Variants in RGSL1 observed in about 807,000 individuals in gnomAD.
RGSL1 encodes regulator of G protein signaling protein-like.
In RGSL1, 97 loss-of-function variants were observed where a neutral mutation model predicts 124.7. The ratio of observed to expected loss-of-function variants is 0.78; its 90% confidence interval spans 0.66 to 0.92. The LOEUF is 0.92. Among genes scored for constraint, RGSL1 ranks in the 40% least tolerant of loss-of-function variants. RGSL1 has a pLI of 0.00. For missense variants in RGSL1, 1,233 were observed against 1,288.4 expected, an observed-to-expected ratio of 0.96 and a Z score of 0.66; for synonymous variants, 424 against 438.1, an observed-to-expected ratio of 0.97 and a Z score of 0.40.
intron 19 of RGSL1, 85 bp downstream of exon 19, chr1:182,553,626 A>T: frequency 3.5e-6 from 4 of 1,147,092 alleles, no homozygotes; most frequent in Admixed American, 2.1e-5. Flanking sequence ...CCCCTTATTG[A>T]CAATAAGGAG....
chr1:182,450,275 G>T (rs1558207365), intron 1 of RGSL1, 97 bp downstream of exon 1: 2 of 1,379,994 alleles, frequency 1.4e-6, no homozygotes, highest in Non-Finnish European at 2.0e-6. Flanking sequence ...GCCATTCAGG[G>T]GCACCATGGG....
intron 20 of RGSL1, chr1:182,555,013 T>TACA (rs1660783087): frequency 3.4e-6 from 1 of 297,840 alleles, no homozygotes; most frequent in Admixed American, 4.5e-5. Flanking sequence ...ATTTAAGGAG[T>TACA]ACAAGTGCAG....
Position 182,493,029 on chromosome 1 carries a change from T to A in RGSL1, c.1725T>A (p.Thr575=). The change falls in exon 9 of 22, where the codon ACT becomes ACA. Residue 575 remains threonine, a synonymous_variant. Transcript: ENST00000294854. ...LTSPVFLTDI[T]KMSFEELCYK... ...TTTTTCCTTACTTCACAGACATAAC[T>A]AAAATGTCCTTTGAGGAGCTTTGCT... is the stretch of plus-strand genomic sequence containing the variant. 1 of 1,549,198 alleles carries A rather than the reference T, an allele frequency of 6.5e-7. No homozygotes were observed. The highest frequency in any genetic ancestry group is 8.7e-7 in the Non-Finnish European group (1 of 1,144,560).
intron 6 of RGSL1, among the ~76,000 whole-genome samples, chr1:182,476,421 C>A (rs1434096985): frequency 1.3e-5 from 2 of 152,156 alleles, no homozygotes; most frequent in African/African-American, 4.8e-5. Flanking sequence ...CATGTCTAGT[C>A]TATTGGCAAA....
intron 1 of RGSL1, among the ~76,000 whole-genome samples, chr1:182,451,434 A>T (rs1432628641): frequency 6.6e-6 from 1 of 152,214 alleles, no homozygotes; most frequent in Non-Finnish European, 1.5e-5. Context: ...CACCAAGATT[A>T]TATGTAAACC....
At chr1:182,552,730 C>T (rs189277635) in intron 18 of RGSL1, among the ~76,000 whole-genome samples, 1 of 152,324 alleles carries the variant, frequency 6.6e-6, no homozygotes, top group African/African-American at 2.4e-5. Flanking sequence ...AAGAGCATGA[C>T]ACTAACATCT....
intron 9 of RGSL1, among the ~76,000 whole-genome samples, chr1:182,498,559 A>G (rs1416035381): frequency 1.3e-5 from 2 of 152,286 alleles, no homozygotes; most frequent in Middle Eastern, 3.4e-3. Flanking sequence ...GAATTTCTTG[A>G]TTTCTGCCTC....
At chr1:182,483,017 CAGAA>C (rs935084293) in intron 6 of RGSL1, among the ~76,000 whole-genome samples, 1 of 152,140 alleles carries the variant, frequency 6.6e-6, no homozygotes, top group Non-Finnish European at 1.5e-5. Flanking sequence ...AAGTGAGACA[CAGAA>C]AGACAAATAC....
chr1:182,492,922 C>T (rs1206392019), intron 8 of RGSL1, 100 bp from the exon 9 acceptor site: 2 of 804,134 alleles, frequency 2.5e-6, no homozygotes, highest in Non-Finnish European at 4.2e-6. Context: ...AGCCACTGCG[C>T]CCAGCATTTT....
intron 18 of RGSL1, among the ~76,000 whole-genome samples, chr1:182,552,095 A>G (rs1660597016): frequency 6.6e-6 from 1 of 151,876 alleles, no homozygotes; most frequent in African/African-American, 2.4e-5. Flanking sequence ...TACAGCTGTG[A>G]TTGGTACTTG....
rs1186041138 is a variant in RGSL1, at chr1:182,532,661, GAAGAA to G, written c.2366_2370del (p.Lys789ArgfsTer23). ...TGTTATACTCCTCTTTCTTTCCCCA[GAAGAA>G]AGGCTGGATGAGAATGATCAGCTTT... On this transcript the variant is annotated frameshift_variant and splice_region_variant, in exon 14 of 22. Transcript: ENST00000294854. LOFTEE classifies it high-confidence loss of function. The G allele has an allele frequency of 6.5e-7, 1 of 1,550,350 alleles. No homozygotes were observed. Among genetic ancestry groups the G allele is most frequent in the Admixed American group, 2.0e-5 (1 of 50,956 alleles).
intron 14 of RGSL1, among the ~76,000 whole-genome samples, chr1:182,535,289 T>G (rs976409478): frequency 6.6e-6 from 1 of 152,222 alleles, no homozygotes; most frequent in South Asian, 2.1e-4. Context: ...ACTCTTTCTA[T>G]AGTTTCCTGC....
chr1:182,548,962 C>A, intron 17 of RGSL1, 138 bp downstream of exon 17: 1 of 1,025,272 alleles, frequency 9.8e-7, no homozygotes, highest in Non-Finnish European at 1.4e-6. Flanking sequence ...TTTCAAAATC[C>A]TATTCACCTC....
intron 5 of RGSL1, among the ~76,000 whole-genome samples, chr1:182,472,909 A>G (rs1467221507): frequency 6.6e-6 from 1 of 152,212 alleles, no homozygotes; most frequent in Non-Finnish European, 1.5e-5. Flanking sequence ...GCAGCCCACC[A>G]GCCAAATGCA....
chr1:182,533,860 A>T (rs968043515), intron 14 of RGSL1, among the ~76,000 whole-genome samples: 6 of 152,220 alleles, frequency 3.9e-5, no homozygotes, highest in African/African-American at 1.4e-4. Context: ...CTAGAAAATG[A>T]CATAAAGTTG....
intron 4 of RGSL1, chr1:182,460,584 AT>A (rs1209792371): frequency 1.6e-5 from 7 of 451,252 alleles, no homozygotes; most frequent in African/African-American, 1.2e-4. Flanking sequence ...TCATCTCTTA[AT>A]TTGTCTCTTT....
intron 1 of RGSL1, among the ~76,000 whole-genome samples, chr1:182,452,836 T>A (rs887638734): frequency 2.6e-5 from 4 of 152,214 alleles, no homozygotes; most frequent in African/African-American, 9.6e-5. Context: ...TTTTCTTATA[T>A]CATAACTACA....
At position 182,473,930 on chromosome 1, in the gene RGSL1, T is replaced by A. The variant is rs111366670; in HGVS notation, c.819T>A (p.Asp273Glu). 7 of 1,552,068 alleles carry A rather than the reference T, an allele frequency of 4.5e-6. No homozygotes were observed. In the Admixed American group the frequency reaches 1.4e-4, roughly 30 times the overall value. ...CTCTGGAAATGGATCTCAAGCCAGA[T>A]GCTATTGGTATGCCCCTACAGGAGA... is the stretch of plus-strand genomic sequence containing the variant. ...SWSLEMDLKP[D>E]AIGMPLQETC... Residue 273 changes from aspartate to glutamate, a missense_variant, in exon 6 of 22, where the codon GAT becomes GAA. Asp to Glu is a conservative substitution (Grantham distance 45). Coordinates refer to ENST00000294854, the MANE Select transcript of RGSL1 (RefSeq NM_001137669.2).
chr1:182,483,643 T>C (rs1165105593), intron 6 of RGSL1, among the ~76,000 whole-genome samples: 1 of 152,200 alleles, frequency 6.6e-6, no homozygotes, highest in East Asian at 1.9e-4. Flanking sequence ...CTTATTTTCT[T>C]TTTTTAACTT....
Sources: allele counts gnomAD v4.1 joint callset (sites outside exome capture counted in the v4.1 genomes callset), GRCh38; gene constraint gnomAD v4.1.1; transcripts MANE v1.5; gene names NCBI Gene and HGNC (gene_info 2026-07-23, HGNC 2026-07-21).